Variants in CBX2 observed in about 807,000 individuals in gnomAD.
CBX2 encodes chromobox 2, also known as chromobox protein homolog 2.
A neutral mutation model predicts 21.0 loss-of-function variants in CBX2; 11 were observed. The ratio of observed to expected loss-of-function variants is 0.52; its 90% CI spans 0.33 to 0.87. The LOEUF (loss-of-function observed/expected upper bound fraction) is 0.87. Among genes scored for constraint, CBX2 ranks in the 40% least tolerant of loss-of-function variants. The pLI is 0.02. For synonymous variants in CBX2, 364 were observed against 304.6 expected (o/e 1.19, Z -2.03); for missense variants, 746 against 724.3 (o/e 1.03, Z -0.34).
At chr17:79,780,500 G>A (rs1304357854) in intron 3 of CBX2, among the ~76,000 whole-genome samples, 1 of 152,206 alleles carries the variant, frequency 6.6e-6, no homozygotes, top group African/African-American at 2.4e-5. Flanking sequence ...TGGGGGAATG[G>A]CTTGGCCCAC....
chr17:79,784,911 A>G lies in CBX2; in HGVS notation c.1468A>G (p.Ser490Gly). Reference protein sequence around the residue: ...GQNPSVSVQTSQDWKPTRSLI... With the variant: ...GQNPSVSVQTGQDWKPTRSLI... ...GAACCCGTCAGTGTCCGTTCAGACC[A>G]GCCAGGACTGGAAGCCCACCCGCAG... Residue 490 changes from serine (S) to glycine (G), a missense_variant, in exon 5 of 5, where the codon AGC becomes GGC. By Grantham distance (56) the Ser-to-Gly change is moderately conservative (BLOSUM62 0). Around this residue, in one of 2 missense-constraint regions of CBX2, gnomAD observed 701 missense variants for 650.7 expected, o/e 1.08. Coordinates refer to ENST00000310942, the MANE Select transcript of CBX2 (RefSeq NM_005189.3). This position sits in a 1 kb window ranked among gnomAD's most constrained non-coding sequence, Gnocchi z 5.9. 6.2e-7 allele frequency: 1 copy of G among 1,613,526 alleles called. No individual in the cohort carries two copies. The highest frequency in any genetic ancestry group is 8.5e-7 in the Non-Finnish European group (1 of 1,180,026).
Position 79,785,465 on chromosome 17 carries a change from C to T in CBX2, c.*423C>T, listed in dbSNP as rs1555831620. The T allele has an allele frequency of 4.0e-6, 1 of 251,822 alleles. No homozygotes were observed. The highest frequency in any genetic ancestry group is 7.9e-6 in the Non-Finnish European group (1 of 125,934). 15.6% of individuals were successfully genotyped at this position (251,822 alleles called of 1,614,324 possible). A position where few individuals can be genotyped will look rare whatever the true frequency, so the allele number is the denominator to read the frequency against. ...CAGGGGCTGAGGTGTCAGGAGGGGA[C>T]TTCTGGCCCACCTTGCCTTCAGCCC... On this transcript the variant is annotated 3_prime_UTR_variant, in exon 5 of 5. Transcript: ENST00000310942.
chr17:79,781,989 C>T (rs200674923), intron 4 of CBX2, 188 bp downstream of exon 4: 271 of 1,614,132 alleles, frequency 1.7e-4, no homozygotes, highest in African/African-American at 1.9e-4. Flanking sequence ...GGGCCCCAGC[C>T]GGCTGAGAGT....
chr17:79,781,907 T>G, intron 4 of CBX2, 106 bp downstream of exon 4: 1 of 1,614,162 alleles, frequency 6.2e-7, no homozygotes, highest in Non-Finnish European at 8.5e-7. Flanking sequence ...GTGGCACTTC[T>G]GCCAACAGTC....
At chr17:79,781,367 C>G (rs1332096489) in intron 3 of CBX2, among the ~76,000 whole-genome samples, 1 of 152,134 alleles carries the variant, frequency 6.6e-6, no homozygotes, top group Non-Finnish European at 1.5e-5. Flanking sequence ...GAGGCCACTT[C>G]TGGTTAGAAT....
intron 4 of CBX2, 112 bp downstream of exon 4, chr17:79,781,913 C>A: frequency 6.2e-7 from 1 of 1,614,180 alleles, no homozygotes; most frequent in Non-Finnish European, 8.5e-7. Context: ...CTTCTGCCAA[C>A]AGTCTGTCCC....
intron 4 of CBX2, chr17:79,782,627 C>T: frequency 2.1e-6 from 1 of 479,944 alleles, no homozygotes; most frequent in Non-Finnish European, 2.9e-6. Flanking sequence ...GCTGTAGAAT[C>T]TTGTTGGCTG....
At position 79,787,962 on chromosome 17, in the gene CBX2, C is replaced by G. The variant is rs1251739307; in HGVS notation, c.*2920C>G. 1.3e-5 allele frequency: 2 copies of G among 151,942 alleles called. No individual in the cohort carries two copies. The highest frequency in any genetic ancestry group is 4.8e-5 in the African/African-American group (2 of 41,308). The allele number at this position is 151,942 out of a possible 1,614,324, so 9.4% of individuals were successfully genotyped here. A position where few individuals can be genotyped will look rare whatever the true frequency, so the allele number is the denominator to read the frequency against. ...TGTGTTTTTTAATTAAAAAAAAAAT[C>G]ATTCATGTATGCCACTTCTAATTGC... is the stretch of plus-strand genomic sequence containing the variant. On this transcript the variant is annotated 3_prime_UTR_variant, in exon 5 of 5. Transcript: ENST00000310942.
At chr17:79,780,255 C>T (rs1428043228) in intron 3 of CBX2, among the ~76,000 whole-genome samples, 1 of 152,230 alleles carries the variant, frequency 6.6e-6, no homozygotes, top group Non-Finnish European at 1.5e-5. Flanking sequence ...GAGTCTTTCC[C>T]AGCCAGGGTC....
intron 4 of CBX2, chr17:79,782,225 G>C: frequency 6.3e-7 from 1 of 1,598,532 alleles, no homozygotes; most frequent in Non-Finnish European, 8.5e-7. Flanking sequence ...ACCTGCGGGT[G>C]CACCTTAAAT....
At position 79,778,514 on chromosome 17, in the gene CBX2, C is replaced by T. The variant is rs939674384; in HGVS notation, c.116+87C>T. 54 of 786,632 alleles carry T rather than the reference C, an allele frequency of 6.9e-5. No individual in the cohort carries two copies. Among genetic ancestry groups the T allele is most frequent in the South Asian group, 7.1e-5 (3 of 42,534 alleles). 48.7% of individuals were successfully genotyped at this position (786,632 alleles called of 1,614,324 possible). A position where few individuals can be genotyped will look rare whatever the true frequency, so the allele number is the denominator to read the frequency against. On this transcript the variant is annotated intron_variant, in intron 2 of 4. Transcript: ENST00000310942. The surrounding 1 kb of genome is among the most constrained non-coding windows in gnomAD (Gnocchi z 4.8). ...GCCCCTCGGCCGCGCCGTCCGGTGGCCTGGGGGCGCCCGCGGGCAGAGCGG... is the reference window on the plus strand; with the variant it reads ...GCCCCTCGGCCGCGCCGTCCGGTGGTCTGGGGGCGCCCGCGGGCAGAGCGG...
At chr17:79,781,545 C>T (rs775175047) in intron 3 of CBX2, 151 bp from the exon 4 acceptor site, 166 of 742,096 alleles carry the variant, frequency 2.2e-4, no homozygotes, top group Non-Finnish European at 3.5e-4. Context: ...GGGGTCTGAT[C>T]TCTGCCTTGG....
At chr17:79,779,926 A>G (rs1273373625) in intron 3 of CBX2, among the ~76,000 whole-genome samples, 3 of 152,264 alleles carry the variant, frequency 2.0e-5, no homozygotes, top group African/African-American at 2.4e-5. Context: ...CTCTCAAGAA[A>G]GAAACATTTA....
rs1907343431 is a variant in CBX2, at chr17:79,782,965, C to G, written c.289-767C>G. Among the ~76,000 whole-genome samples the G allele has an allele frequency of 1.3e-5, 2 of 152,188 alleles. 1 individual carries two copies. Among genetic ancestry groups the G allele is most frequent in the Admixed American group, 1.3e-4 (2 of 15,286 alleles). On this transcript the variant is annotated intron_variant, in intron 4 of 4. Transcript: ENST00000310942. ...GTTTATTTACCTGTATCCTGGAAGG[C>G]TCAGACTGGGAAATGGGGATACTGA...
At chr17:79,783,275 G>A (rs1466078488) in intron 4 of CBX2, among the ~76,000 whole-genome samples, 1 of 152,150 alleles carries the variant, frequency 6.6e-6, no homozygotes, top group African/African-American at 2.4e-5. Context: ...GTGAGAAGTT[G>A]CTCCTTCCTG....
At position 79,779,436 on chromosome 17, in the gene CBX2, G is replaced by C; in HGVS notation, c.182+9G>C. On this transcript the variant is annotated intron_variant, in intron 3 of 4. Transcript: ENST00000310942. ...CTGGCCTTCCAGAAGAAGTGAGGAC[G>C]CTGACAGCACTGGGGAGGGTGTGGG... is the stretch of plus-strand genomic sequence containing the variant. 6.2e-7 allele frequency: 1 copy of C among 1,604,842 alleles called. No homozygotes were observed. The highest frequency in any genetic ancestry group is 8.5e-7 in the Non-Finnish European group (1 of 1,176,214).
rs781821893 is a variant in CBX2 at position 79,784,491 on chromosome 17, G to A, written c.1048G>A (p.Glu350Lys). 2.5e-6 allele frequency: 4 copies of A among 1,612,742 alleles called. No individual in the cohort carries two copies. Among genetic ancestry groups the A allele is most frequent in the Non-Finnish European group, 3.4e-6 (4 of 1,179,914 alleles). The change falls in exon 5 of 5, where the codon GAG (glutamate) becomes AAG (lysine). Residue 350 changes from glutamate to lysine, a missense_variant. Glu to Lys is a moderately conservative substitution (Grantham distance 56). Transcript: ENST00000310942. This position sits in a 1 kb window ranked among gnomAD's most constrained non-coding sequence, Gnocchi z 5.9. ...CPGPQPAPTQ[E>K]LSLQVLDLQS... Reference sequence around the variant, plus strand: ...AGGCCCCCAGCCAGCACCCACCCAGGAGCTGAGCCTCCAGGTCTTGGACTT... The same window carrying A: ...AGGCCCCCAGCCAGCACCCACCCAGAAGCTGAGCCTCCAGGTCTTGGACTT...
At chr17:79,779,875 G>C (rs1003107086) in intron 3 of CBX2, 1 of 261,774 alleles carries the variant, frequency 3.8e-6, no homozygotes, top group East Asian at 8.5e-5. Flanking sequence ...CAGAGAGGGA[G>C]CTGGAACACA....
intron 4 of CBX2, chr17:79,782,589 A>T: frequency 1.3e-6 from 1 of 786,614 alleles, no homozygotes; most frequent in Non-Finnish European, 1.6e-6. Context: ...CCTTTCCAGG[A>T]GGATTTCCTG....
Sources: allele counts gnomAD v4.1 joint callset (sites outside exome capture counted in the v4.1 genomes callset), GRCh38; gene constraint gnomAD v4.1.1; regional missense constraint gnomAD v4.1.1; non-coding constraint Gnocchi (gnomAD v3.1); transcripts MANE v1.5; gene names NCBI Gene and HGNC (gene_info 2026-07-23, HGNC 2026-07-21).